Variants in FAM184A observed in about 807,000 individuals in gnomAD.
FAM184A encodes the protein protein FAM184A.
A neutral mutation model predicts 143.8 loss-of-function variants in FAM184A; 99 were observed. The observed-to-expected ratio is 0.69, with a 90% CI of 0.58 to 0.81. The LOEUF is 0.81. Ranked by LOEUF, FAM184A falls within the 40% of genes least tolerant of loss-of-function variation. The pLI is 0.00. For synonymous variants in FAM184A, 427 were observed against 446.4 expected (o/e 0.96, Z 0.55); for missense variants, 1,217 against 1,310.5 (o/e 0.93, Z 1.10).
chr6:119,040,531 G>A lies in FAM184A; in HGVS notation c.160-15718C>T, dbSNP rs534419861. 2.0e-5 allele frequency among the ~76,000 whole-genome samples: 3 copies of A among 152,280 alleles called. No individual in the cohort carries two copies. The East Asian group carries it at 5.8e-4, about 29-fold the overall frequency. On this transcript the variant is annotated intron_variant, in intron 1 of 17. Coordinates refer to ENST00000338891, the MANE Select transcript of FAM184A (RefSeq NM_024581.6). ...TGGCAGGGACTTTAGGGTCTGTACT[G>A]AGCATATCTAAGGCATTATATGGCC...
intron 1 of FAM184A, among the ~76,000 whole-genome samples, chr6:119,144,932 A>G (rs1264002608): frequency 6.6e-6 from 1 of 152,230 alleles, no homozygotes; most frequent in African/African-American, 2.4e-5. Context: ...CTGAGAGTTT[A>G]CAGAGTGCAA....
In FAM184A at chr6:119,037,402, A is replaced by C. The variant is rs564741133; in HGVS notation, c.160-12589T>G. Among the ~76,000 whole-genome samples the C allele has an allele frequency of 2.3e-4, 35 of 152,292 alleles. No homozygotes were observed. The South Asian group carries it at 6.6e-3, about 29-fold the overall frequency. The stretch of plus-strand genomic sequence containing the variant: ...GCTGGGCCTTGAACTCCTGGGCTCA[A>C]GTGATCTATTGCCACAGCCTCCTGA... On this transcript the variant is annotated intron_variant, in intron 1 of 17. Coordinates refer to ENST00000338891, the MANE Select transcript of FAM184A (RefSeq NM_024581.6).
chr6:119,048,316 G>A (rs951955300), intron 1 of FAM184A, among the ~76,000 whole-genome samples: 3 of 152,146 alleles, frequency 2.0e-5, no homozygotes, highest in Non-Finnish European at 4.4e-5. Flanking sequence ...TTGAAAACCA[G>A]CACAAGACAA....
chr6:119,122,873 C>T (rs1195782420), intron 1 of FAM184A, among the ~76,000 whole-genome samples: 1 of 113,532 alleles, frequency 8.8e-6, no homozygotes, highest in African/African-American at 3.6e-5. Context: ...TGCAGTAAGC[C>T]GAGATCATGC....
intron 1 of FAM184A, among the ~76,000 whole-genome samples, chr6:119,053,657 C>T (rs1396423791): frequency 6.6e-6 from 1 of 152,130 alleles, no homozygotes; most frequent in East Asian, 1.9e-4. Context: ...AAAAAGACTA[C>T]ACATTCATTC....
chr6:119,105,740 C>T (rs1237682899), intron 1 of FAM184A, among the ~76,000 whole-genome samples: 1 of 152,162 alleles, frequency 6.6e-6, no homozygotes, highest in Non-Finnish European at 1.5e-5. Context: ...CTCCCATTTT[C>T]CCAATAATTT....
intron 1 of FAM184A, among the ~76,000 whole-genome samples, chr6:119,121,427 G>A (rs1045631868): frequency 7.9e-5 from 12 of 152,138 alleles, no homozygotes; most frequent in African/African-American, 1.7e-4. Flanking sequence ...GTGAGCCACC[G>A]TGCCTGGCCT....
intron 1 of FAM184A, among the ~76,000 whole-genome samples, chr6:119,138,882 C>T (rs1772112524): frequency 6.6e-6 from 1 of 152,164 alleles, no homozygotes. Context: ...CCTCTTCGGC[C>T]TCCAAAATGC....
intron 1 of FAM184A, among the ~76,000 whole-genome samples, chr6:119,043,082 T>A (rs1288528): frequency 0.96 from 145,607 of 152,156 alleles, 69,775 homozygotes; most frequent in African/African-American, 0.97. Context: ...TTATTAAAAA[T>A]AAATCTGATG....
intron 1 of FAM184A, among the ~76,000 whole-genome samples, chr6:119,099,236 G>C (rs73533328): frequency 6.6e-6 from 1 of 151,930 alleles, no homozygotes; most frequent in Non-Finnish European, 1.5e-5. Context: ...CGTATCCTTC[G>C]CAATCTCCTT....
chr6:119,022,484 A>G (rs971548424), intron 3 of FAM184A, among the ~76,000 whole-genome samples: 1 of 152,354 alleles, frequency 6.6e-6, no homozygotes, highest in Admixed American at 6.5e-5. Flanking sequence ...TGTGTATCTT[A>G]TAAGTAATTA....
intron 1 of FAM184A, among the ~76,000 whole-genome samples, chr6:119,117,905 A>T (rs1264495041): frequency 6.6e-6 from 1 of 152,214 alleles, no homozygotes; most frequent in African/African-American, 2.4e-5. Flanking sequence ...TCCCAGAAGC[A>T]GGACCAGTCA....
chr6:118,977,417 A>G (rs1783879614), intron 11 of FAM184A, among the ~76,000 whole-genome samples: 1 of 152,126 alleles, frequency 6.6e-6, no homozygotes. Flanking sequence ...CCCTGCCTAC[A>G]AAAATTACAA....
chr6:119,062,363 C>A (rs1195837691), intron 1 of FAM184A, among the ~76,000 whole-genome samples: 1 of 151,980 alleles, frequency 6.6e-6, no homozygotes, highest in Non-Finnish European at 1.5e-5. Flanking sequence ...GTACACAGGG[C>A]ATAAGATTGG....
intron 9 of FAM184A, among the ~76,000 whole-genome samples, chr6:118,981,693 G>A (rs1229472005): frequency 6.6e-6 from 1 of 152,184 alleles, no homozygotes; most frequent in Non-Finnish European, 1.5e-5. Context: ...GTCACAGACT[G>A]TAGTGAGCTT....
intron 11 of FAM184A, 29 bp downstream of exon 11, chr6:118,979,336 A>G: frequency 6.4e-7 from 1 of 1,563,410 alleles, no homozygotes. Context: ...ACATATGAAT[A>G]TGACAAGATT....
chr6:119,005,856 T>A (rs1355501146), intron 7 of FAM184A: 1 of 446,188 alleles, frequency 2.2e-6, no homozygotes, highest in Non-Finnish European at 4.0e-6. Context: ...AGAGTCTTTC[T>A]GAAATCTGCA....
At chr6:118,977,882 T>A (rs183222275) in intron 11 of FAM184A, among the ~76,000 whole-genome samples, 1 of 152,368 alleles carries the variant, frequency 6.6e-6, no homozygotes, top group East Asian at 1.9e-4. Context: ...TAAAACTGCA[T>A]GTGAATCTAC....
At chr6:119,056,319 T>C (rs1786972377) in intron 1 of FAM184A, among the ~76,000 whole-genome samples, 1 of 152,166 alleles carries the variant, frequency 6.6e-6, no homozygotes. Flanking sequence ...GGGGGATGTC[T>C]GATGAAGAAG....
Sources: allele counts gnomAD v4.1 joint callset (sites outside exome capture counted in the v4.1 genomes callset), GRCh38; gene constraint gnomAD v4.1.1; transcripts MANE v1.5; gene names NCBI Gene and HGNC (gene_info 2026-07-23, HGNC 2026-07-21).